LAMC1: variants seen among roughly 807,000 people sequenced by gnomAD.
LAMC1 encodes laminin subunit gamma 1.
A neutral mutation model predicts 173.6 loss-of-function variants in LAMC1; 38 were observed. That is an observed-to-expected ratio of 0.22 (90% CI 0.17 to 0.29). The LOEUF (loss-of-function observed/expected upper bound fraction) is 0.29, where lower values mean the gene tolerates loss of function less well. Ranked by LOEUF, LAMC1 falls within the 10% of genes least tolerant of loss-of-function variation. LAMC1 has a pLI of 1.00. For missense variants in LAMC1, 1,824 were observed against 2,051.8 expected (o/e 0.89, Z 2.14); for synonymous variants, 746 against 749.1 (o/e 1.00, Z 0.07).
intron 27 of LAMC1, chr1:183,141,191 C>T (rs560968342): frequency 3.3e-5 from 5 of 152,344 alleles, no homozygotes; most frequent in African/African-American, 1.2e-4. Flanking sequence ...GTGCTACACG[C>T]CTGTAGTCCT....
intron 25 of LAMC1, 135 bp downstream of exon 25, chr1:183,136,720 C>CTT: frequency 3.5e-5 from 20 of 567,166 alleles, no homozygotes; most frequent in Non-Finnish European, 4.3e-5. Flanking sequence ...CCATATTTGT[C>CTT]TTTTTTTTTT....
At chr1:183,142,364 G>A (rs549336342) in intron 27 of LAMC1, among the ~76,000 whole-genome samples, 170 bp from the exon 28 acceptor site, 1 of 152,246 alleles carries the variant, frequency 6.6e-6, no homozygotes, top group East Asian at 1.9e-4. Flanking sequence ...TTTGTACTTG[G>A]TTTGCATATT....
chr1:183,085,350 T>TTTGTTTGTTTTC (rs1212296962), intron 1 of LAMC1, among the ~76,000 whole-genome samples: 1 of 152,092 alleles, frequency 6.6e-6, no homozygotes, highest in East Asian at 1.9e-4. Flanking sequence ...GTCCCCATTT[T>TTTGTTTGTTTTC]TTGTTTGTTT....
At chr1:183,057,396 C>T (rs926786159) in intron 1 of LAMC1, among the ~76,000 whole-genome samples, 6 of 152,176 alleles carry the variant, frequency 3.9e-5, no homozygotes, top group Middle Eastern at 3.2e-3. Context: ...GCCAGTCTCT[C>T]GTTTCACTAG....
intron 1 of LAMC1, among the ~76,000 whole-genome samples, chr1:183,055,350 C>G (rs1654559065): frequency 1.3e-5 from 2 of 151,846 alleles, no homozygotes; most frequent in South Asian, 4.2e-4. Flanking sequence ...ATGTTTATAA[C>G]CACTTACTAG....
intron 1 of LAMC1, among the ~76,000 whole-genome samples, chr1:183,037,873 T>G (rs899454298): frequency 6.6e-6 from 1 of 152,070 alleles, no homozygotes; most frequent in Admixed American, 6.5e-5. Context: ...AGGATTGTTT[T>G]TTTCTCCCTC....
At chr1:183,111,097 CTTTTTTTTTTTT>C (rs71297854) in intron 4 of LAMC1, among the ~76,000 whole-genome samples, 2 of 144,820 alleles carry the variant, frequency 1.4e-5, no homozygotes, top group African/African-American at 2.5e-5. Flanking sequence ...TTTTTCTTTT[CTTTTTTTTTTTT>C]TGAGACTGAG....
chr1:183,129,563 T>C (rs1234123250), intron 18 of LAMC1, among the ~76,000 whole-genome samples: 1 of 34,596 alleles, frequency 2.9e-5, no homozygotes, highest in African/African-American at 6.5e-5. Flanking sequence ...ACTTCTCATC[T>C]TTTTTTTTTT....
At chr1:183,032,621 C>G (rs1311081843) in intron 1 of LAMC1, among the ~76,000 whole-genome samples, 1 of 152,178 alleles carries the variant, frequency 6.6e-6, no homozygotes, top group African/African-American at 2.4e-5. Flanking sequence ...CTCCTAGGCT[C>G]AAGTGATCCT....
At chr1:183,069,939 G>A (rs1383919896) in intron 1 of LAMC1, among the ~76,000 whole-genome samples, 1 of 152,192 alleles carries the variant, frequency 6.6e-6, no homozygotes, top group East Asian at 1.9e-4. Context: ...TGTGGACAAA[G>A]GCACCAAGCC....
chr1:183,058,333 A>G (rs910884819), intron 1 of LAMC1, among the ~76,000 whole-genome samples: 1 of 152,166 alleles, frequency 6.6e-6, no homozygotes, highest in Non-Finnish European at 1.5e-5. Context: ...ACATCTTTAT[A>G]TGTGTCTGCT....
chr1:183,130,922 C>CCCAG (rs1453101749), intron 19 of LAMC1, among the ~76,000 whole-genome samples: 13 of 152,276 alleles, frequency 8.5e-5, no homozygotes, highest in Admixed American at 8.5e-4. Context: ...CGCCTGTAAT[C>CCCAG]CCAGCACTTT....
chr1:183,041,968 T>A (rs1333867094), intron 1 of LAMC1, among the ~76,000 whole-genome samples: 1 of 152,178 alleles, frequency 6.6e-6, no homozygotes, highest in Non-Finnish European at 1.5e-5. Flanking sequence ...ATAGGGTTTT[T>A]AAAATTGATC....
intron 1 of LAMC1, among the ~76,000 whole-genome samples, chr1:183,071,121 C>G (rs1171068694): frequency 1.3e-5 from 2 of 148,656 alleles, no homozygotes; most frequent in Non-Finnish European, 1.5e-5. Context: ...CCATTAAAGA[C>G]TGATCCAGGA....
intron 1 of LAMC1, among the ~76,000 whole-genome samples, chr1:183,055,179 G>T (rs1053631527): frequency 6.6e-6 from 1 of 151,208 alleles, no homozygotes; most frequent in Non-Finnish European, 1.5e-5. Flanking sequence ...TAGCAGAGAC[G>T]GGGTTTCACC....
At chr1:183,097,085 A>G (rs1057343924) in intron 1 of LAMC1, among the ~76,000 whole-genome samples, 17 of 152,148 alleles carry the variant, frequency 1.1e-4, no homozygotes, top group Non-Finnish European at 1.8e-4. Context: ...TATTTGTGCA[A>G]TCCATCCGCT....
chr1:183,029,256 TTATC>T (rs1653782988), intron 1 of LAMC1, among the ~76,000 whole-genome samples: 1 of 152,226 alleles, frequency 6.6e-6, no homozygotes. Context: ...TCTTGAATGC[TTATC>T]TTTCTCTCCG....
chr1:183,099,742 A>G (rs1050661001), intron 1 of LAMC1, among the ~76,000 whole-genome samples: 1 of 152,126 alleles, frequency 6.6e-6, no homozygotes, highest in Non-Finnish European at 1.5e-5. Flanking sequence ...TCCAGTGTCC[A>G]TCTGCATACT....
chr1:183,081,211 GA>G (rs1429292863), intron 1 of LAMC1, among the ~76,000 whole-genome samples: 1 of 152,138 alleles, frequency 6.6e-6, no homozygotes, highest in Non-Finnish European at 1.5e-5. Flanking sequence ...TAATACTTTT[GA>G]ATGTAAACTG....
Sources: allele counts gnomAD v4.1 joint callset (sites outside exome capture counted in the v4.1 genomes callset), GRCh38; gene constraint gnomAD v4.1.1; transcripts MANE v1.5; gene names NCBI Gene and HGNC (gene_info 2026-07-23, HGNC 2026-07-21).